Variants in KLF13 observed in about 807,000 individuals in gnomAD.
KLF13 encodes the protein Krueppel-like factor 13.
Under a neutral mutation model 16.7 loss-of-function variants are expected in KLF13, and 8 were observed. That is an observed-to-expected ratio of 0.48 (90% CI 0.28 to 0.87). KLF13 has a LOEUF of 0.87. KLF13 is among the 40% of genes least tolerant of loss of function. The pLI is 0.10. For synonymous variants in KLF13, 245 were observed against 208.4 expected, an observed-to-expected ratio of 1.18 and a Z score of -1.51; for missense variants, 447 against 452.2, an observed-to-expected ratio of 0.99 and a Z score of 0.10.
chr15:31,351,948 G>A (rs1595465933), intron 1 of KLF13, among the ~76,000 whole-genome samples: 1 of 152,088 alleles, frequency 6.6e-6, no homozygotes, highest in African/African-American at 2.4e-5. Flanking sequence ...GGAGGTGGAG[G>A]TTGCAGTGAG....
intron 1 of KLF13, among the ~76,000 whole-genome samples, chr15:31,370,711 G>A (rs1342687269): frequency 3.9e-5 from 6 of 152,162 alleles, no homozygotes; most frequent in Admixed American, 1.3e-4. Context: ...GAGCCACCGC[G>A]CCTGGCCGTT....
chr15:31,374,646 C>G lies in KLF13; in HGVS notation c.*2347C>G, dbSNP rs1172947281. On this transcript the variant is annotated 3_prime_UTR_variant, in exon 2 of 2. Coordinates refer to ENST00000307145, the MANE Select transcript of KLF13 (RefSeq NM_015995.4). ...TTGGTGCACTCACCGTCCACCGTTCCCCAAGGCAGGGAGAGGGAGTGGCCC... is the reference window on the plus strand; with the variant it reads ...TTGGTGCACTCACCGTCCACCGTTCGCCAAGGCAGGGAGAGGGAGTGGCCC... 1 of 152,244 alleles carries G rather than the reference C, an allele frequency of 6.6e-6. No individual in the cohort carries two copies. Among genetic ancestry groups the G allele is most frequent in the African/African-American group, 2.4e-5 (1 of 41,316 alleles). The allele number at this position is 152,244 out of a possible 1,614,324, so 9.4% of individuals were successfully genotyped here.
At chr15:31,408,924 GAA>G (rs2140999602), downstream of KLF13, among the ~76,000 whole-genome samples, 1 of 152,284 alleles carries the variant, frequency 6.6e-6, no homozygotes, top group African/African-American at 2.4e-5. Flanking sequence ...TAGACACAGT[GAA>G]GATAAGAATC....
Position 31,326,858 on chromosome 15 carries a change from C to G in KLF13, c.-355C>G, listed in dbSNP as rs1351116704. On this transcript the variant is annotated 5_prime_UTR_variant, in exon 1 of 2. Transcript: ENST00000307145. ...CCACACGGAGCCGCGGCGCGCACGG[C>G]AGCTGTCCCGCCTGCCACAATGCGC... 1.3e-5 allele frequency: 2 copies of G among 150,916 alleles called. No homozygotes were observed. The highest frequency in any genetic ancestry group is 3.0e-5 in the Non-Finnish European group (2 of 67,500). The allele number at this position is 150,916 out of a possible 1,614,324, so 9.3% of individuals were successfully genotyped here. A position where few individuals can be genotyped will look rare whatever the true frequency, so the allele number is the denominator to read the frequency against.
chr15:31,431,127 G>C (rs2040466574), intron 1 of KLF13, among the ~76,000 whole-genome samples: 1 of 152,134 alleles, frequency 6.6e-6, no homozygotes, highest in Non-Finnish European at 1.5e-5. Context: ...AGACACAAAA[G>C]AGCTTGCTGC....
At chr15:31,333,157 T>C (rs1052145999) in intron 1 of KLF13, among the ~76,000 whole-genome samples, 1 of 152,248 alleles carries the variant, frequency 6.6e-6, no homozygotes, top group Non-Finnish European at 1.5e-5. Context: ...TACATCAAGC[T>C]ATCTAATCTT....
Position 31,327,557 on chromosome 15 carries a change from C to G in KLF13, c.345C>G (p.Ala115=). The G allele has an allele frequency of 8.9e-7, 1 of 1,124,584 alleles. No individual in the cohort carries two copies. The allele number at this position is 1,124,584 out of a possible 1,614,324, so 69.7% of individuals were successfully genotyped here. A position where few individuals can be genotyped will look rare whatever the true frequency, so the allele number is the denominator to read the frequency against. Residue 115 remains alanine, a synonymous_variant, in exon 1 of 2, where the codon GCC becomes GCG. Coordinates refer to ENST00000307145, the MANE Select transcript of KLF13 (RefSeq NM_015995.4). ...PTSPGAEGAA[A]APPSPAWSEP... is the part of the protein sequence containing the mutation. ...CCCCCGGCGCCGAAGGCGCGGCGGC[C>G]GCGCCCCCCAGCCCGGCGTGGAGCG...
chr15:31,330,601 G>A (rs964751631), intron 1 of KLF13, among the ~76,000 whole-genome samples: 3 of 152,190 alleles, frequency 2.0e-5, no homozygotes, highest in Non-Finnish European at 4.4e-5. Flanking sequence ...CTTGGCCGTG[G>A]CTCTGCTCTG....
At chr15:31,349,521 A>G (rs2039183075) in intron 1 of KLF13, among the ~76,000 whole-genome samples, 1 of 152,134 alleles carries the variant, frequency 6.6e-6, no homozygotes, top group Non-Finnish European at 1.5e-5. Context: ...AGTCTCTGGG[A>G]CCCAGTCTGC....
chr15:31,383,920 T>TA lies in KLF13; in HGVS notation n.224-51447dup, dbSNP rs548511916. ...CCGTCTCAAAAAATAAATAAATAAATAAATAAAATAAAATAAAAATATCAA... is the reference window on the plus strand; with the variant it reads ...CCGTCTCAAAAAATAAATAAATAAATAAAATAAAATAAAATAAAAATATCAA... On this transcript the variant is annotated intron_variant and non_coding_transcript_variant, in intron 1 of 1. Transcript: ENST00000558921. Among the ~76,000 whole-genome samples the TA allele has an allele frequency of 5.5e-3, 834 of 151,260 alleles. 12 individuals are homozygous for TA. Among genetic ancestry groups the TA allele is most frequent in the African/African-American group, 0.018 (743 of 41,104 alleles).
intron 2 of KLF13, among the ~76,000 whole-genome samples, chr15:31,396,408 C>T (rs1334783994): frequency 3.9e-5 from 6 of 152,144 alleles, no homozygotes; most frequent in South Asian, 2.1e-4. Flanking sequence ...CTGCCTGCCT[C>T]GGCCTCCCAA....
chr15:31,370,044 CTTTTTTTTTTTTTT>C (rs912005994), intron 1 of KLF13, among the ~76,000 whole-genome samples: 1 of 99,302 alleles, frequency 1.0e-5, no homozygotes, highest in South Asian at 3.3e-4. Context: ...TCTCCTTTTT[CTTTTTTTTTTTTTT>C]TTTTTTTTAC....
intron 1 of KLF13, among the ~76,000 whole-genome samples, chr15:31,346,029 G>A (rs553405973): frequency 2.7e-4 from 41 of 152,072 alleles, no homozygotes; most frequent in Non-Finnish European, 5.6e-4. Context: ...CCGGCATCTG[G>A]CTCAGGCATG....
chr15:31,329,008 A>G (rs1433655553), intron 1 of KLF13, among the ~76,000 whole-genome samples: 3 of 152,148 alleles, frequency 2.0e-5, no homozygotes. Flanking sequence ...TGGATACCCT[A>G]GAGCTGAAGG....
chr15:31,382,612 A>G (rs2039740179), downstream of KLF13, among the ~76,000 whole-genome samples: 1 of 152,184 alleles, frequency 6.6e-6, no homozygotes, highest in African/African-American at 2.4e-5. Flanking sequence ...AACACTGGCC[A>G]GTGTGGGCCT....
chr15:31,391,046 G>A (rs142395036), upstream of KLF13, among the ~76,000 whole-genome samples: 1 of 140,210 alleles, frequency 7.1e-6, no homozygotes, highest in African/African-American at 2.7e-5. Context: ...CAACTGCATG[G>A]GGCTTCTCTA....
intron 1 of KLF13, among the ~76,000 whole-genome samples, chr15:31,368,668 A>T (rs2140963822): frequency 6.6e-6 from 1 of 152,332 alleles, no homozygotes; most frequent in Admixed American, 6.5e-5. Context: ...AGCCTAGCCA[A>T]CATGGTGAAA....
At chr15:31,402,131 T>C (rs1163347071) in intron 2 of KLF13, among the ~76,000 whole-genome samples, 1 of 152,184 alleles carries the variant, frequency 6.6e-6, no homozygotes, top group African/African-American at 2.4e-5. Flanking sequence ...CAACCTCTGA[T>C]CGAGGCTGTC....
At chr15:31,354,422 C>T (rs997458595) in intron 1 of KLF13, among the ~76,000 whole-genome samples, 1 of 152,262 alleles carries the variant, frequency 6.6e-6, no homozygotes, top group East Asian at 1.9e-4. Context: ...CTCCTGTTGC[C>T]CAGGCTGGAG....
Sources: gnomAD v4.1 joint callset for allele counts (sites outside exome capture counted in the v4.1 genomes callset) on GRCh38, gnomAD v4.1.1 for gene constraint, MANE v1.5 for transcripts, NCBI Gene and HGNC (gene_info 2026-07-23, HGNC 2026-07-21) for gene names.